The following HECTD2 variants were observed in gnomAD, a reference collection of about 807,000 sequenced individuals.
HECTD2 encodes HECT domain E3 ubiquitin protein ligase 2.
A neutral mutation model predicts 103.2 loss-of-function variants in HECTD2; 35 were observed. That is an observed-to-expected ratio of 0.34 (90% CI 0.26 to 0.45). The LOEUF (loss-of-function observed/expected upper bound fraction) is 0.45, where lower values mean the gene tolerates loss of function less well. Ranked by LOEUF, HECTD2 falls within the 20% of genes least tolerant of loss-of-function variation. The pLI is 1.00. For missense variants in HECTD2, 596 were observed against 937.4 expected (o/e 0.64, Z 4.76); for synonymous variants, 281 against 329.9 (o/e 0.85, Z 1.61).
rs1243455660 is a variant in HECTD2, at chr10:91,514,593, A to G, written c.*2209A>G. On this transcript the variant is annotated 3_prime_UTR_variant, in exon 21 of 21. Transcript: ENST00000298068. The stretch of plus-strand genomic sequence containing the variant: ...ACAGTAAATTAAAGCATTACACAGT[A>G]TTTATCAGTATTTTTTAAACATCCT... The G allele has an allele frequency of 6.6e-6, 1 of 152,584 alleles. No individual in the cohort carries two copies. Among genetic ancestry groups the G allele is most frequent in the African/African-American group, 2.4e-5 (1 of 41,428 alleles). 9.5% of individuals were successfully genotyped at this position (152,584 alleles called of 1,614,324 possible).
chr10:91,475,271 T>C (rs1038577509), intron 5 of HECTD2, among the ~76,000 whole-genome samples: 2 of 152,134 alleles, frequency 1.3e-5, no homozygotes, highest in Non-Finnish European at 2.9e-5. Context: ...GCAATGAAAA[T>C]AGAAATGTTC....
Position 91,513,644 on chromosome 10 carries a change from C to T in HECTD2, c.*1260C>T, listed in dbSNP as rs956305415. ...CAAATATTGCCAAACCAAGACTTCT[C>T]TACCATACTTTAACAGCTTTCCTTC... is the stretch of plus-strand genomic sequence containing the variant. On this transcript the variant is annotated 3_prime_UTR_variant, in exon 21 of 21. Coordinates refer to ENST00000298068, the MANE Select transcript of HECTD2 (RefSeq NM_182765.6). 1 of 152,560 alleles carries T rather than the reference C, an allele frequency of 6.6e-6. No homozygotes were observed. Among genetic ancestry groups the T allele is most frequent in the Non-Finnish European group, 1.5e-5 (1 of 68,030 alleles). 9.5% of individuals were successfully genotyped at this position (152,560 alleles called of 1,614,324 possible). A position where few individuals can be genotyped will look rare whatever the true frequency, so the allele number is the denominator to read the frequency against.
chr10:91,414,095 G>A (rs1040167811), intron 1 of HECTD2, among the ~76,000 whole-genome samples: 6 of 152,164 alleles, frequency 3.9e-5, no homozygotes, highest in Admixed American at 3.9e-4. Context: ...CAGTGGCAGC[G>A]AGGATGAATT....
At position 91,484,659 on chromosome 10, in the gene HECTD2, G is replaced by A; in HGVS notation, c.970+4G>A. On this transcript the variant is annotated splice_donor_region_variant and intron_variant, in intron 9 of 20. Coordinates refer to ENST00000298068, the MANE Select transcript of HECTD2 (RefSeq NM_182765.6). ...GCTAAAGTGTTGGCTTTACTTAGTA[G>A]GTTTTTATTATTCTATCATTTTTTA... 2 of 1,583,334 alleles carry A rather than the reference G, an allele frequency of 1.3e-6. No individual in the cohort carries two copies. The highest frequency in any genetic ancestry group is 1.7e-6 in the Non-Finnish European group (2 of 1,169,544).
Position 91,477,050 on chromosome 10 carries a change from G to A in HECTD2, c.601-1151G>A, listed in dbSNP as rs374939323. Among the ~76,000 whole-genome samples the A allele has an allele frequency of 1.6e-3, 239 of 152,094 alleles. 3 individuals carry two copies. The highest frequency in any genetic ancestry group is 6.8e-3 in the Middle Eastern group (2 of 294). On this transcript the variant is annotated intron_variant, in intron 5 of 20. Transcript: ENST00000298068. Reference sequence around the variant, plus strand: ...AAAAAAATTAGCCGGGCGCGGTGGCGGGCGCCTGTAGTCCCAGCTACTCGG... The same window carrying A: ...AAAAAAATTAGCCGGGCGCGGTGGCAGGCGCCTGTAGTCCCAGCTACTCGG...
Position 91,485,312 on chromosome 10 carries a change from A to G in HECTD2, c.1094+9A>G. 1.3e-6 allele frequency: 2 copies of G among 1,578,902 alleles called. No homozygotes were observed. The highest frequency in any genetic ancestry group is 2.3e-5 in the East Asian group (1 of 43,530). ...TTTGGAAACTCTCACAGGTATGAACAAAAGTTCCTTTGATTATCCACCTAA... is the reference window on the plus strand; with the variant it reads ...TTTGGAAACTCTCACAGGTATGAACGAAAGTTCCTTTGATTATCCACCTAA... On this transcript the variant is annotated intron_variant, in intron 10 of 20. Transcript: ENST00000298068.
At chr10:91,417,409 T>C (rs1455373107) in intron 1 of HECTD2, among the ~76,000 whole-genome samples, 1 of 152,152 alleles carries the variant, frequency 6.6e-6, no homozygotes, top group Admixed American at 6.5e-5. Context: ...TTAGGGTACA[T>C]GTGCACAACG....
chr10:91,461,183 T>A, intron 3 of HECTD2, 71 bp from the exon 4 acceptor site: 1 of 679,240 alleles, frequency 1.5e-6, no homozygotes. Context: ...TTTGGTGACA[T>A]TAAAAAGTAA....
chr10:91,484,744 T>A, intron 9 of HECTD2, 89 bp downstream of exon 9: 1 of 955,152 alleles, frequency 1.0e-6, no homozygotes, highest in Non-Finnish European at 1.5e-6. Flanking sequence ...TATAGAGGCA[T>A]TCTTAAATTT....
intron 7 of HECTD2, 137 bp downstream of exon 7, chr10:91,481,276 C>T (rs770188524): frequency 7.3e-6 from 3 of 413,236 alleles, no homozygotes; most frequent in Non-Finnish European, 1.3e-5. Context: ...TTACCTGTAA[C>T]CAGAAGATTT....
chr10:91,432,370 A>G (rs1453855436), intron 2 of HECTD2, among the ~76,000 whole-genome samples: 2 of 151,918 alleles, frequency 1.3e-5, no homozygotes. Flanking sequence ...CAGCTGAGGA[A>G]TGCCTTTCCT....
intron 4 of HECTD2, among the ~76,000 whole-genome samples, 188 bp downstream of exon 4, chr10:91,461,544 AG>A (rs1307376843): frequency 6.6e-6 from 1 of 151,692 alleles, no homozygotes; most frequent in Non-Finnish European, 1.5e-5. Context: ...GGGTTTTTTG[AG>A]GGGGTTGTTT....
chr10:91,502,073 A>T (rs890021791), intron 20 of HECTD2, among the ~76,000 whole-genome samples: 2 of 151,966 alleles, frequency 1.3e-5, no homozygotes, highest in Non-Finnish European at 2.9e-5. Context: ...TTTTATCTTC[A>T]TTACTAGCTT....
Position 91,484,575 on chromosome 10 carries a change from C to T in HECTD2, c.890C>T (p.Pro297Leu). Residue 297 changes from proline (P) to leucine (L), a missense_variant, in exon 9 of 21, where the codon CCT becomes CTT. By Grantham distance (98) the Pro-to-Leu change is moderately conservative (BLOSUM62 -3). Transcript: ENST00000298068. ...LLQFISLRLF[P>L]AKPEEFPPIT... Reference sequence around the variant, plus strand: ...CAATTTATTTCTTTACGCCTGTTTCCTGCAAAGCCTGAAGAATTTCCACCT... The same window carrying T: ...CAATTTATTTCTTTACGCCTGTTTCTTGCAAAGCCTGAAGAATTTCCACCT... 6.2e-7 allele frequency: 1 copy of T among 1,612,310 alleles called. No homozygotes were observed. The highest frequency in any genetic ancestry group is 8.5e-7 in the Non-Finnish European group (1 of 1,178,808).
chr10:91,438,602 A>T (rs1296199863), intron 2 of HECTD2, among the ~76,000 whole-genome samples: 2 of 152,078 alleles, frequency 1.3e-5, no homozygotes, highest in Admixed American at 1.3e-4. Flanking sequence ...CATTAATGGG[A>T]TTGCTGGGTC....
intron 20 of HECTD2, among the ~76,000 whole-genome samples, chr10:91,508,405 T>C (rs1847281047): frequency 6.6e-6 from 1 of 151,148 alleles, no homozygotes; most frequent in Admixed American, 6.6e-5. Flanking sequence ...GAATCTACAA[T>C]GAACTCAAAA....
At chr10:91,412,624 AT>A (rs1222875069) in intron 1 of HECTD2, among the ~76,000 whole-genome samples, 13 of 146,894 alleles carry the variant, frequency 8.8e-5, no homozygotes, top group Admixed American at 2.7e-4. Flanking sequence ...TTGATTATTT[AT>A]TTTTTAAAAA....
At chr10:91,438,784 A>G (rs1844253680) in intron 2 of HECTD2, among the ~76,000 whole-genome samples, 1 of 152,108 alleles carries the variant, frequency 6.6e-6, no homozygotes, top group African/African-American at 2.4e-5. Context: ...CTGGCATGAG[A>G]TGGTATCTCA....
At chr10:91,449,002 A>G (rs2133139994) in intron 2 of HECTD2, among the ~76,000 whole-genome samples, 1 of 134,962 alleles carries the variant, frequency 7.4e-6, no homozygotes, top group Middle Eastern at 3.5e-3. Flanking sequence ...ACAGAAAAAG[A>G]GGAACTCCTC....
Sources: allele counts gnomAD v4.1 joint callset (sites outside exome capture counted in the v4.1 genomes callset), GRCh38; gene constraint gnomAD v4.1.1; transcripts MANE v1.5; gene names NCBI Gene and HGNC (gene_info 2026-07-23, HGNC 2026-07-21).